Variants in UGGT2 observed in about 807,000 individuals in gnomAD.
The protein encoded by UGGT2 is UDP-glucose glycoprotein glucosyltransferase 2.
UGGT2 carries 180 observed loss-of-function variants against 192.1 expected under a neutral mutation model. The ratio of observed to expected loss-of-function variants is 0.94; its 90% CI spans 0.83 to 1.06. The LOEUF (loss-of-function observed/expected upper bound fraction) is 1.06, where lower values mean the gene tolerates loss of function less well. Among genes scored for constraint, UGGT2 ranks in the 50% least tolerant of loss-of-function variants. UGGT2 has a pLI of 0.00. For synonymous variants in UGGT2, 580 were observed against 591.0 expected (o/e 0.98, Z 0.27); for missense variants, 1,849 against 1,795.7 (o/e 1.03, Z -0.54).
chr13:95,982,029 A>G (rs927224702), intron 10 of UGGT2, among the ~76,000 whole-genome samples: 7 of 152,218 alleles, frequency 4.6e-5, no homozygotes, highest in Non-Finnish European at 1.0e-4. Flanking sequence ...TTAGTTTACT[A>G]AATTCAAGAT....
Position 95,884,675 on chromosome 13 carries a change from T to C in UGGT2, c.3044A>G (p.Tyr1015Cys). 1.2e-6 allele frequency: 2 copies of C among 1,601,158 alleles called. No individual in the cohort carries two copies. ...RLSEAPLESF[Y>C]RFVLEPELMS... The stretch of plus-strand genomic sequence containing the variant: ...CAGTTCTGGTTCCAGAACAAAACGG[T>C]AAAAGCTGTTAATAAAACATAAAAA... Residue 1015 changes from tyrosine (Y) to cysteine (C), a missense_variant, in exon 27 of 39, where the codon TAC (tyrosine) becomes TGC (cysteine). Transcript: ENST00000376747.
chr13:96,023,199 A>G (rs117409407), intron 3 of UGGT2, 47 bp from the exon 4 acceptor site: 11 of 1,471,450 alleles, frequency 7.5e-6, no homozygotes, highest in Non-Finnish European at 1.0e-5. Flanking sequence ...GATAATTACA[A>G]TATGATTTTA....
intron 1 of UGGT2, among the ~76,000 whole-genome samples, chr13:96,037,053 C>A (rs1281585358): frequency 6.6e-6 from 1 of 152,212 alleles, no homozygotes; most frequent in Non-Finnish European, 1.5e-5. Flanking sequence ...GTTATTTCTA[C>A]AAAGGGTGTT....
intron 30 of UGGT2, among the ~76,000 whole-genome samples, chr13:95,864,634 G>A (rs1384474094): frequency 6.6e-6 from 1 of 152,092 alleles, no homozygotes; most frequent in African/African-American, 2.4e-5. Flanking sequence ...ATACAAATAT[G>A]TCTTCTTTAT....
At chr13:95,828,796 G>A (rs887434663) in intron 38 of UGGT2, among the ~76,000 whole-genome samples, 1 of 152,084 alleles carries the variant, frequency 6.6e-6, no homozygotes, top group Non-Finnish European at 1.5e-5. Flanking sequence ...AGAAAAAGAG[G>A]GAATCCTCCC....
At chr13:95,909,914 A>T (rs1324482500) in intron 20 of UGGT2, among the ~76,000 whole-genome samples, 1 of 151,898 alleles carries the variant, frequency 6.6e-6, no homozygotes, top group Non-Finnish European at 1.5e-5. Flanking sequence ...CCTACAAGCC[A>T]GAAGAGAGTG....
chr13:95,825,440 C>G (rs116319071), intron 38 of UGGT2, among the ~76,000 whole-genome samples: 1 of 152,126 alleles, frequency 6.6e-6, no homozygotes, highest in East Asian at 1.9e-4. Context: ...AGAAAGCTAT[C>G]CAACTCCCAG....
chr13:95,946,389 G>A (rs909851765), intron 15 of UGGT2, among the ~76,000 whole-genome samples: 4 of 152,144 alleles, frequency 2.6e-5, no homozygotes, highest in African/African-American at 9.7e-5. Flanking sequence ...GTTTTTCCAT[G>A]AGACAGGCTC....
intron 5 of UGGT2, among the ~76,000 whole-genome samples, chr13:96,004,242 T>C (rs2139031229): frequency 6.6e-6 from 1 of 152,190 alleles, no homozygotes; most frequent in African/African-American, 2.4e-5. Flanking sequence ...TACAGAAAAG[T>C]TGCACATATT....
intron 12 of UGGT2, among the ~76,000 whole-genome samples, chr13:95,952,863 G>A (rs910841745): frequency 6.6e-6 from 1 of 152,124 alleles, no homozygotes; most frequent in Non-Finnish European, 1.5e-5. Flanking sequence ...AAAACCTCTA[G>A]AGATTGATCA....
At chr13:95,923,370 T>C (rs1235131493) in intron 20 of UGGT2, among the ~76,000 whole-genome samples, 44 of 56,544 alleles carry the variant, frequency 7.8e-4, no homozygotes, top group African/African-American at 2.5e-3. Context: ...AGCATATTCT[T>C]TTTTTTTTTT....
intron 33 of UGGT2, 28 bp downstream of exon 33, chr13:95,859,563 C>A: frequency 2.0e-6 from 3 of 1,507,606 alleles, no homozygotes; most frequent in Admixed American, 1.7e-5. Flanking sequence ...AAACATTAAC[C>A]ATTCTACAAA....
At chr13:95,968,732 T>G (rs1363134302) in intron 12 of UGGT2, among the ~76,000 whole-genome samples, 1 of 152,238 alleles carries the variant, frequency 6.6e-6, no homozygotes. Context: ...AAACTTCTTT[T>G]TTTTATGAAT....
intron 28 of UGGT2, 93 bp from the exon 29 acceptor site, chr13:95,877,457 T>G: frequency 9.0e-7 from 1 of 1,108,232 alleles, no homozygotes; most frequent in African/African-American, 1.6e-5. Flanking sequence ...AAAGTATTTA[T>G]TAACTGTAGA....
intron 20 of UGGT2, among the ~76,000 whole-genome samples, chr13:95,918,151 C>A (rs1461226497): frequency 7.2e-5 from 11 of 152,208 alleles, no homozygotes; most frequent in Admixed American, 5.9e-4. Flanking sequence ...AAACGTTCCT[C>A]AGCAAATGCA....
At chr13:95,861,063 G>GT (rs887055822) in intron 31 of UGGT2, among the ~76,000 whole-genome samples, 180 bp from the exon 32 acceptor site, 18 of 151,428 alleles carry the variant, frequency 1.2e-4, no homozygotes, top group Non-Finnish European at 2.4e-4. Flanking sequence ...AGCTTTATGA[G>GT]TTTTTTTTTA....
chr13:95,827,077 A>C (rs182599401), intron 38 of UGGT2, among the ~76,000 whole-genome samples: 6 of 152,264 alleles, frequency 3.9e-5, no homozygotes, highest in Admixed American at 3.9e-4. Flanking sequence ...TGGCAATACA[A>C]ATGTGTGGAA....
chr13:95,801,905 G>T, intron 38 of UGGT2, 93 bp from the exon 39 acceptor site: 1 of 1,445,452 alleles, frequency 6.9e-7, no homozygotes, highest in South Asian at 1.2e-5. Flanking sequence ...CACCGGTACT[G>T]ACTGAGGATC....
chr13:95,959,106 G>A (rs150696280), intron 12 of UGGT2, among the ~76,000 whole-genome samples: 21 of 152,254 alleles, frequency 1.4e-4, no homozygotes, highest in East Asian at 1.4e-3. Context: ...AACAGCCCCC[G>A]CATCTCCATA....
Sources: allele counts gnomAD v4.1 joint callset (sites outside exome capture counted in the v4.1 genomes callset), GRCh38; gene constraint gnomAD v4.1.1; transcripts MANE v1.5; gene names NCBI Gene and HGNC (gene_info 2026-07-23, HGNC 2026-07-21).